Variants in CDH12 observed in about 807,000 individuals in gnomAD.
CDH12 encodes cadherin-12.
A neutral mutation model predicts 74.1 loss-of-function variants in CDH12; 41 were observed. The ratio of observed to expected loss-of-function variants is 0.55; its 90% CI spans 0.43 to 0.72. The LOEUF (loss-of-function observed/expected upper bound fraction) is 0.72, where lower values mean the gene tolerates loss of function less well. Among genes scored for constraint, CDH12 ranks in the 30% least tolerant of loss-of-function variants. The probability of loss-of-function intolerance (pLI) is 0.00; values close to 1 mark genes in which losing one functional copy is unlikely to be tolerated. For synonymous variants in CDH12, 399 were observed against 355.0 expected (o/e 1.12, Z -1.39); for missense variants, 945 against 977.2 (o/e 0.97, Z 0.44).
At chr5:22,004,540 G>A (rs956922588) in intron 5 of CDH12, among the ~76,000 whole-genome samples, 3 of 152,126 alleles carry the variant, frequency 2.0e-5, no homozygotes, top group African/African-American at 7.2e-5. Flanking sequence ...TTGCACTGCT[G>A]TTCCCATACC....
At chr5:22,413,256 T>G in intron 2 of CDH12, among the ~76,000 whole-genome samples, 1 of 151,968 alleles carries the variant, frequency 6.6e-6, no homozygotes, top group Non-Finnish European at 1.5e-5. Flanking sequence ...GGAAAATGTA[T>G]GGCATGAAAA....
chr5:22,078,366 T>C (rs531444478), intron 5 of CDH12, 80 bp downstream of exon 5: 2 of 1,261,818 alleles, frequency 1.6e-6, no homozygotes, highest in Admixed American at 1.9e-5. Context: ...GTTCAACTCC[T>C]GTGCAAAACA....
At position 22,601,963 on chromosome 5, in the gene CDH12, G is replaced by T. The variant is rs186690505; in HGVS notation, c.-522-96599C>A. Among the ~76,000 whole-genome samples, 44 of 152,168 alleles carry T rather than the reference G, an allele frequency of 2.9e-4. No homozygotes were observed. The East Asian group carries it at 2.9e-3, about 10-fold the overall frequency. On this transcript the variant is annotated intron_variant, in intron 1 of 14. Coordinates refer to ENST00000382254, the MANE Select transcript of CDH12 (RefSeq NM_004061.5). ...ATTGGATAATCAGTATACAAGACAT[G>T]TAAGACACATTCAAAGGGAATAACT... is the stretch of plus-strand genomic sequence containing the variant.
chr5:22,246,319 T>G (rs914244536), intron 3 of CDH12, among the ~76,000 whole-genome samples: 1 of 152,124 alleles, frequency 6.6e-6, no homozygotes, highest in Non-Finnish European at 1.5e-5. Flanking sequence ...CTGTATTCAA[T>G]GTTTCACGTA....
chr5:22,637,835 G>A (rs1194618852), intron 1 of CDH12, among the ~76,000 whole-genome samples: 1 of 152,146 alleles, frequency 6.6e-6, no homozygotes, highest in Non-Finnish European at 1.5e-5. Flanking sequence ...AGTTAGTAAT[G>A]TCTACTTATA....
intron 2 of CDH12, among the ~76,000 whole-genome samples, chr5:22,497,662 A>G (rs1335322288): frequency 5.2e-4 from 6 of 11,486 alleles, no homozygotes; most frequent in East Asian, 4.2e-3. Flanking sequence ...TTTTTTTTTG[A>G]GATGTAATCT....
At chr5:22,327,448 G>A (rs1739169201) in intron 3 of CDH12, among the ~76,000 whole-genome samples, 1 of 151,660 alleles carries the variant, frequency 6.6e-6, no homozygotes, top group Admixed American at 6.6e-5. Flanking sequence ...GTGTGTGTGT[G>A]TGTGTGTGTG....
chr5:22,489,056 C>T (rs1349737326), intron 2 of CDH12, among the ~76,000 whole-genome samples: 9 of 37,328 alleles, frequency 2.4e-4, no homozygotes, highest in Admixed American at 5.9e-4. Flanking sequence ...TTGGTACCAC[C>T]TTTTTTTTTT....
intron 6 of CDH12, among the ~76,000 whole-genome samples, chr5:21,934,815 A>C (rs1231758706): frequency 6.6e-6 from 1 of 151,412 alleles, no homozygotes; most frequent in Non-Finnish European, 1.5e-5. Context: ...GACACGGAGT[A>C]TCCCTCTGTC....
chr5:22,743,966 T>A (rs1199127837), intron 1 of CDH12, among the ~76,000 whole-genome samples: 1 of 152,104 alleles, frequency 6.6e-6, no homozygotes, highest in African/African-American at 2.4e-5. Context: ...ACATTTATAA[T>A]CCTTCCTTAG....
At chr5:22,671,318 C>T (rs1295666319) in intron 1 of CDH12, among the ~76,000 whole-genome samples, 1 of 151,986 alleles carries the variant, frequency 6.6e-6, no homozygotes, top group African/African-American at 2.4e-5. Flanking sequence ...TTTAAGTGTA[C>T]AAGGCTGTAT....
chr5:22,847,279 T>C (rs1737351761), intron 1 of CDH12, among the ~76,000 whole-genome samples: 2 of 152,208 alleles, frequency 1.3e-5, no homozygotes, highest in Non-Finnish European at 2.9e-5. Flanking sequence ...GTCACTATCA[T>C]TTCCTAGTAA....
intron 6 of CDH12, chr5:21,882,982 T>C: frequency 6.3e-7 from 1 of 1,599,384 alleles, no homozygotes; most frequent in Non-Finnish European, 8.6e-7. Flanking sequence ...TTCCAGAAGA[T>C]TAGCAAAGGT....
intron 5 of CDH12, among the ~76,000 whole-genome samples, chr5:21,989,591 T>G (rs2150134295): frequency 6.6e-6 from 1 of 152,286 alleles, no homozygotes; most frequent in Non-Finnish European, 1.5e-5. Flanking sequence ...TCCCTGAGTT[T>G]AAAAAGGAAA....
Position 22,368,171 on chromosome 5 carries a change from C to A in CDH12, c.-333+37086G>T, listed in dbSNP as rs116495414. Among the ~76,000 whole-genome samples, 4 of 151,634 alleles carry A rather than the reference C, an allele frequency of 2.6e-5. No homozygotes were observed. The South Asian group carries it at 8.3e-4, about 32-fold the overall frequency. Reference sequence around the variant, plus strand: ...AGCAGTTATTATTTAAACATTTGAGCCGAAACTTCATATATTTAAATTTAA... The same window carrying A: ...AGCAGTTATTATTTAAACATTTGAGACGAAACTTCATATATTTAAATTTAA... On this transcript the variant is annotated intron_variant, in intron 3 of 14. Transcript: ENST00000382254.
chr5:22,732,587 A>T (rs1295646536), intron 1 of CDH12, among the ~76,000 whole-genome samples: 1 of 151,810 alleles, frequency 6.6e-6, no homozygotes, highest in African/African-American at 2.4e-5. Flanking sequence ...GTTAAGTTAG[A>T]GGAAGGACTT....
intron 1 of CDH12, among the ~76,000 whole-genome samples, chr5:22,814,889 G>A (rs1749313782): frequency 6.6e-6 from 1 of 152,128 alleles, no homozygotes; most frequent in East Asian, 1.9e-4. Context: ...TTAAAAAGGA[G>A]TTTTTTCTTA....
chr5:22,279,161 C>G (rs936170275), intron 3 of CDH12, among the ~76,000 whole-genome samples: 4 of 152,198 alleles, frequency 2.6e-5, no homozygotes, highest in Non-Finnish European at 5.9e-5. Context: ...GGCATCCTAA[C>G]TAAAGCCTAG....
At chr5:22,189,139 C>T (rs1439087977) in intron 4 of CDH12, among the ~76,000 whole-genome samples, 2 of 152,088 alleles carry the variant, frequency 1.3e-5, no homozygotes, top group African/African-American at 4.8e-5. Flanking sequence ...CATTTTCCAA[C>T]TTCAGTAAAC....
Sources: gnomAD v4.1 joint callset for allele counts (sites outside exome capture counted in the v4.1 genomes callset) on GRCh38, gnomAD v4.1.1 for gene constraint, MANE v1.5 for transcripts, NCBI Gene and HGNC (gene_info 2026-07-23, HGNC 2026-07-21) for gene names.